Variants in CCDC110 observed in about 807,000 individuals in gnomAD.
CCDC110 encodes the protein coiled-coil domain-containing protein 110.
CCDC110 carries 70 observed loss-of-function variants against 77.1 expected under a neutral mutation model. That is an observed-to-expected ratio of 0.91 (90% CI 0.75 to 1.11). The LOEUF is 1.11. CCDC110 is among the 50% of genes least tolerant of loss of function. CCDC110 has a pLI of 0.00. For synonymous variants in CCDC110, 295 were observed against 312.5 expected (o/e 0.94, Z 0.59); for missense variants, 868 against 942.9 (o/e 0.92, Z 1.04).
intron 6 of CCDC110, among the ~76,000 whole-genome samples, 166 bp from the exon 7 acceptor site, chr4:185,445,708 T>C (rs2095608722): frequency 2.0e-5 from 3 of 152,228 alleles, no homozygotes; most frequent in Admixed American, 2.0e-4. Context: ...AGTTATTCTG[T>C]GTCTAAAGGA....
intron 6 of CCDC110, among the ~76,000 whole-genome samples, chr4:185,455,603 G>A (rs1395011926): frequency 6.6e-6 from 1 of 152,154 alleles, no homozygotes; most frequent in Non-Finnish European, 1.5e-5. Context: ...AAGAGCTTTG[G>A]CCAGGCGCGG....
At chr4:185,458,087 CT>C (rs1302844534) in intron 6 of CCDC110, 38 bp downstream of exon 6, 7 of 1,380,168 alleles carry the variant, frequency 5.1e-6, no homozygotes, top group Non-Finnish European at 6.8e-6. Flanking sequence ...CTAAAAGAAT[CT>C]TAAACACATC....
intron 2 of CCDC110, among the ~76,000 whole-genome samples, chr4:185,463,448 C>T (rs2095650048): frequency 1.3e-5 from 2 of 152,162 alleles, no homozygotes; most frequent in East Asian, 1.9e-4. Context: ...CATTTTTCCC[C>T]TTATGGAAAC....
At chr4:185,458,045 CCTT>C (rs1280043404) in intron 6 of CCDC110, 78 bp downstream of exon 6, 4 of 949,190 alleles carry the variant, frequency 4.2e-6, no homozygotes, top group Non-Finnish European at 6.0e-6. Context: ...AAAGTTTCCT[CCTT>C]ATTTCTGTAC....
chr4:185,458,650 G>A lies in CCDC110; in HGVS notation c.1937C>T (p.Thr646Ile). The A allele has an allele frequency of 5.0e-6, 8 of 1,606,882 alleles. No individual in the cohort carries two copies. The highest frequency in any genetic ancestry group is 6.8e-6 in the Non-Finnish European group (8 of 1,179,176). ...TVKDEKLNLE[T>I]TLQESTAARQ... is the part of the protein sequence containing the mutation. ...GGCAGCAGTAGATTCTTGTAATGTT[G>A]TTTCAAGGTTGAGTTTTTCATCTTT... The change falls in exon 6 of 7, where the codon ACA (threonine) becomes ATA (isoleucine). Residue 646 changes from threonine to isoleucine, a missense_variant. Physicochemically the swap from Thr to Ile is moderately conservative, Grantham distance 89 (BLOSUM62 -1). Transcript: ENST00000307588.
intron 6 of CCDC110, chr4:185,452,470 G>T (rs1052213573): frequency 5.6e-6 from 4 of 707,998 alleles, no homozygotes; most frequent in African/African-American, 1.9e-5. Context: ...GAACTGGAGA[G>T]AAAGTTAAGC....
At chr4:185,450,892 A>G (rs1296785624) in intron 6 of CCDC110, among the ~76,000 whole-genome samples, 2 of 152,160 alleles carry the variant, frequency 1.3e-5, no homozygotes, top group Non-Finnish European at 2.9e-5. Context: ...CTAAATATCA[A>G]ATAATACATT....
In CCDC110 at chr4:185,468,795, T is replaced by A. The variant is rs1294676870; in HGVS notation, c.115+2150A>T. On this transcript the variant is annotated intron_variant, in intron 2 of 6. Transcript: ENST00000307588. The surrounding 1 kb of genome is among the most constrained non-coding windows in gnomAD (Gnocchi z 4.5). The stretch of plus-strand genomic sequence containing the variant: ...TCCTCCCCCCCTTCTCAGCCTTATG[T>A]TCTCCATAGAATTTATTCCCCGCTT... Among the ~76,000 whole-genome samples, 1 of 152,180 alleles carries A rather than the reference T, an allele frequency of 6.6e-6. No homozygotes were observed. The highest frequency in any genetic ancestry group is 1.5e-5 in the Non-Finnish European group (1 of 68,032).
chr4:185,463,302 T>C lies in CCDC110; in HGVS notation c.116-253A>G, dbSNP rs113639015. ...ATTTGCAACACCACACTTAGAACTCTCAAAAACTCAAATATCAAATATCTT... is the reference window on the plus strand; with the variant it reads ...ATTTGCAACACCACACTTAGAACTCCCAAAAACTCAAATATCAAATATCTT... On this transcript the variant is annotated intron_variant, in intron 2 of 6. Transcript: ENST00000307588. 4.8e-3 allele frequency among the ~76,000 whole-genome samples: 736 copies of C among 152,244 alleles called. 8 individuals are homozygous for C. Among genetic ancestry groups the C allele is most frequent in the African/African-American group, 0.017 (690 of 41,540 alleles).
intron 6 of CCDC110, among the ~76,000 whole-genome samples, chr4:185,455,555 A>G (rs2095634760): frequency 6.6e-6 from 1 of 152,204 alleles, no homozygotes; most frequent in African/African-American, 2.4e-5. Context: ...CAGTTTACCA[A>G]CTGGACATAA....
chr4:185,446,060 C>G (rs372834216), intron 6 of CCDC110, among the ~76,000 whole-genome samples: 13 of 151,986 alleles, frequency 8.6e-5, no homozygotes, highest in East Asian at 3.9e-4. Flanking sequence ...AGGCTGGTCT[C>G]GAACTCCCGA....
intron 4 of CCDC110, 104 bp from the exon 5 acceptor site, chr4:185,461,263 C>CCATAAA (rs1381652297): frequency 4.6e-5 from 26 of 568,634 alleles, no homozygotes; most frequent in Non-Finnish European, 9.3e-6. Context: ...AATTTCCTGC[C>CCATAAA]CATAAACAGT....
chr4:185,452,478 A>G (rs974667333), intron 6 of CCDC110: 1 of 573,764 alleles, frequency 1.7e-6, no homozygotes, highest in Non-Finnish European at 2.2e-6. Flanking sequence ...GAGAAAGTTA[A>G]GCAGTAGCAC....
chr4:185,446,989 A>G (rs1456068644), intron 6 of CCDC110, among the ~76,000 whole-genome samples: 3 of 151,866 alleles, frequency 2.0e-5, no homozygotes, highest in Non-Finnish European at 4.4e-5. Context: ...ACTCTACTAC[A>G]TTGCTGGTAA....
At chr4:185,462,430 C>T (rs1161934332) in intron 4 of CCDC110, among the ~76,000 whole-genome samples, 6 of 152,144 alleles carry the variant, frequency 3.9e-5, no homozygotes, top group Admixed American at 2.6e-4. Flanking sequence ...AAAAAATCAG[C>T]GAGTGCTATC....
At chr4:185,445,604 A>G (rs1256461321) in intron 6 of CCDC110, 62 bp from the exon 7 acceptor site, 33 of 1,058,410 alleles carry the variant, frequency 3.1e-5, no homozygotes, top group Non-Finnish European at 4.5e-5. Context: ...ATGCTTTGAG[A>G]AAAAGTATAT....
At chr4:185,465,172 C>A (rs928123617) in intron 2 of CCDC110, among the ~76,000 whole-genome samples, 9 of 152,184 alleles carry the variant, frequency 5.9e-5, no homozygotes, top group African/African-American at 1.9e-4. Context: ...ATGTATTCAG[C>A]CTTCAACTCT....
intron 2 of CCDC110, among the ~76,000 whole-genome samples, chr4:185,469,661 G>A (rs1018040613): frequency 7.9e-5 from 12 of 152,210 alleles, no homozygotes; most frequent in African/African-American, 2.4e-4. Context: ...CAAGGGTGGA[G>A]GCAGGAGGGC....
intron 4 of CCDC110, among the ~76,000 whole-genome samples, chr4:185,462,152 A>T (rs2095647593): frequency 6.6e-6 from 1 of 152,090 alleles, no homozygotes; most frequent in Non-Finnish European, 1.5e-5. Context: ...AAAGAACTGG[A>T]CCTTCTAGCA....
Sources: allele counts gnomAD v4.1 joint callset (sites outside exome capture counted in the v4.1 genomes callset), GRCh38; gene constraint gnomAD v4.1.1; non-coding constraint Gnocchi (gnomAD v3.1); transcripts MANE v1.5; gene names NCBI Gene and HGNC (gene_info 2026-07-23, HGNC 2026-07-21).